The following DST variants were observed in gnomAD, a reference collection of about 807,000 sequenced individuals.
DST encodes the protein bullous pemphigoid antigen.
Under a neutral mutation model 875.2 loss-of-function variants are expected in DST, and 253 were observed. The observed-to-expected ratio is 0.29, with a 90% CI of 0.26 to 0.32. The LOEUF is 0.32. DST is among the 10% of genes least tolerant of loss of function. The pLI, the probability that DST is intolerant of heterozygous loss-of-function variation, is 1.00. For missense variants in DST, 8,287 were observed against 9,111.6 expected (o/e 0.91, Z 3.68); for synonymous variants, 3,124 against 3,197.1 (o/e 0.98, Z 0.77).
chr6:56,609,625 C>T (rs1449838768), intron 39 of DST, among the ~76,000 whole-genome samples: 1 of 152,058 alleles, frequency 6.6e-6, no homozygotes, highest in Non-Finnish European at 1.5e-5. Flanking sequence ...TTAGTGAGGA[C>T]ACAACAGAGT....
intron 86 of DST, among the ~76,000 whole-genome samples, chr6:56,488,479 CA>C (rs1206818497): frequency 1.3e-5 from 2 of 152,160 alleles, no homozygotes; most frequent in Non-Finnish European, 2.9e-5. Context: ...AGCTCACAGG[CA>C]AAGGGTGCCA....
At chr6:56,632,412 T>A (rs983015376) in intron 28 of DST, among the ~76,000 whole-genome samples, 43 of 152,218 alleles carry the variant, frequency 2.8e-4, no homozygotes, top group African/African-American at 9.4e-4. Flanking sequence ...TTAAGATTTT[T>A]AAAAAATAGA....
intron 51 of DST, among the ~76,000 whole-genome samples, chr6:56,573,332 G>A (rs1020970122): frequency 7.9e-5 from 12 of 152,208 alleles, no homozygotes; most frequent in African/African-American, 2.9e-4. Context: ...AATGGAGCCT[G>A]GGGATTAGCC....
chr6:56,606,172 A>T lies in DST; in HGVS notation c.8456T>A (p.Ile2819Lys). Residue 2819 changes from isoleucine (I) to lysine (K), a missense_variant, in exon 40 of 104, where the codon ATA becomes AAA. Physicochemically the swap from Ile to Lys is moderately radical, Grantham distance 102. Transcript: ENST00000680361. ...CCTGGGCTTTCCATTCTCATCTCTT[A>T]TACCTCCTCCTTCTTCATCAATGCC... is the stretch of plus-strand genomic sequence containing the variant. ...DDGIDEEGGG[I>K]RDENGKPRCQ... is the part of the protein sequence containing the mutation. 6.3e-7 allele frequency: 1 copy of T among 1,598,552 alleles called. No homozygotes were observed. The highest frequency in any genetic ancestry group is 8.5e-7 in the Non-Finnish European group (1 of 1,170,790).
intron 3 of DST, among the ~76,000 whole-genome samples, chr6:56,883,013 G>C (rs1476513224): frequency 6.6e-6 from 1 of 152,148 alleles, no homozygotes; most frequent in Non-Finnish European, 1.5e-5. Flanking sequence ...AATTACAGGT[G>C]CGTGCCACCA....
chr6:56,608,224 G>A lies in DST; in HGVS notation c.6404C>T (p.Ala2135Val). ...KQLGIIDNNT[A>V]SILKNITLPD... is the part of the protein sequence containing the mutation. ...CAGTGTTATATTTTTTAAAATTGATGCTGTGTTGTTGTCTATAATTCCTAG... is the reference window on the plus strand; with the variant it reads ...CAGTGTTATATTTTTTAAAATTGATACTGTGTTGTTGTCTATAATTCCTAG... The change falls in exon 40 of 104, where the codon GCA (alanine) becomes GTA (valine). Residue 2135 changes from alanine to valine, a missense_variant. This residue lies in a region of DST where 3,138 missense variants were observed against 3,116.6 expected (regional missense o/e 1.01). Coordinates refer to ENST00000680361, the MANE Select transcript of DST (RefSeq NM_001374736.1). 1 of 1,613,594 alleles carries A rather than the reference G, an allele frequency of 6.2e-7. No homozygotes were observed. Among genetic ancestry groups the A allele is most frequent in the South Asian group, 1.1e-5 (1 of 91,072 alleles).
chr6:56,484,495 T>A (rs1331588144), intron 88 of DST: 2 of 152,226 alleles, frequency 1.3e-5, no homozygotes, highest in South Asian at 4.1e-4. Context: ...GAGAACATTA[T>A]AAATGGAATA....
chr6:56,492,478 G>C (rs2095782497), intron 84 of DST, 45 bp from the exon 85 acceptor site: 1 of 1,556,690 alleles, frequency 6.4e-7, no homozygotes. Flanking sequence ...ATGAAAATCA[G>C]ATCAATCTTA....
At chr6:56,635,815 G>C in intron 23 of DST, 101 bp from the exon 24 acceptor site, 1 of 1,259,962 alleles carries the variant, frequency 7.9e-7, no homozygotes, top group East Asian at 2.3e-5. Flanking sequence ...CCCCTCATAA[G>C]TGAGAAGAGA....
chr6:56,738,679 T>C (rs548852107), intron 4 of DST, among the ~76,000 whole-genome samples: 2 of 151,878 alleles, frequency 1.3e-5, no homozygotes, highest in African/African-American at 4.8e-5. Context: ...TGGACTACAG[T>C]GGCACAATCT....
chr6:56,492,058 C>T lies in DST; in HGVS notation c.20757+169G>A, dbSNP rs1008825753. On this transcript the variant is annotated intron_variant, in intron 85 of 103. Transcript: ENST00000680361. ...TTGCTGCCAGGTCAAAAAGTGATGT[C>T]AGCATCCAAACTGAGGCCACAGCCC... is the stretch of plus-strand genomic sequence containing the variant. Among the ~76,000 whole-genome samples the T allele has an allele frequency of 1.8e-4, 28 of 152,224 alleles. 1 individual carries two copies.
At chr6:56,578,972 A>G (rs1394662032) in intron 49 of DST, 35 bp from the exon 50 acceptor site, 3 of 1,496,020 alleles carry the variant, frequency 2.0e-6, no homozygotes, top group Non-Finnish European at 2.7e-6. Flanking sequence ...TATACTCAGC[A>G]GGACTAAATA....
intron 13 of DST, among the ~76,000 whole-genome samples, chr6:56,647,598 G>C (rs774264564): frequency 1.2e-4 from 18 of 151,958 alleles, no homozygotes; most frequent in Non-Finnish European, 2.2e-4. Context: ...TAGAAATAAA[G>C]TAGACCACTT....
At chr6:56,642,811 T>C (rs906594367) in intron 15 of DST, 45 of 1,613,346 alleles carry the variant, frequency 2.8e-5, no homozygotes, top group Middle Eastern at 3.3e-4. Flanking sequence ...AACGATGTTC[T>C]TTCTTTCACC....
At position 56,634,041 on chromosome 6, in the gene DST, C is replaced by T. The variant is rs1209517162; in HGVS notation, c.3621+91G>A. Reference sequence around the variant, plus strand: ...TAGCATGGATTTGCCGGACTCCATCCTATTCTAAAGCAAATACAAACTCTA... The same window carrying T: ...TAGCATGGATTTGCCGGACTCCATCTTATTCTAAAGCAAATACAAACTCTA... On this transcript the variant is annotated intron_variant, in intron 27 of 103. Transcript: ENST00000680361. The T allele has an allele frequency of 3.4e-6, 5 of 1,469,190 alleles. No individual in the cohort carries two copies. In the Admixed American group the frequency reaches 8.4e-5, roughly 25 times the overall value. The allele number at this position is 1,469,190 out of a possible 1,614,324, so 91.0% of individuals were successfully genotyped here.
intron 66 of DST, 124 bp downstream of exon 66, chr6:56,529,324 G>A: frequency 1.2e-6 from 1 of 817,610 alleles, no homozygotes; most frequent in Non-Finnish European, 1.8e-6. Flanking sequence ...TGTATAAACA[G>A]TCTTTTTTTA....
At chr6:56,648,476 T>A (rs2152794171) in intron 13 of DST, 94 bp downstream of exon 13, 1 of 1,295,324 alleles carries the variant, frequency 7.7e-7, no homozygotes, top group East Asian at 2.7e-5. Context: ...CAAGGGCAAC[T>A]TTTGTTGAAC....
chr6:56,573,181 G>T, intron 51 of DST, 117 bp from the exon 52 acceptor site: 1 of 885,508 alleles, frequency 1.1e-6, no homozygotes, highest in Non-Finnish European at 1.7e-6. Flanking sequence ...GCCTAGGAAG[G>T]TTAACAGTTG....
intron 49 of DST, among the ~76,000 whole-genome samples, chr6:56,589,625 C>T (rs1400166912): frequency 6.6e-6 from 1 of 152,226 alleles, no homozygotes; most frequent in African/African-American, 2.4e-5. Context: ...TCAGTCAATG[C>T]AATCCCCATT....
Sources: allele counts gnomAD v4.1 joint callset (sites outside exome capture counted in the v4.1 genomes callset), GRCh38; gene constraint gnomAD v4.1.1; regional missense constraint gnomAD v4.1.1; transcripts MANE v1.5; gene names NCBI Gene and HGNC (gene_info 2026-07-23, HGNC 2026-07-21).